Variants in VAV2 observed in about 807,000 individuals in gnomAD.
The protein encoded by VAV2 is guanine nucleotide exchange factor VAV2.
Under a neutral mutation model 132.5 loss-of-function variants are expected in VAV2, and 67 were observed. That is an observed-to-expected ratio of 0.51 (90% CI 0.42 to 0.62). The LOEUF (loss-of-function observed/expected upper bound fraction) is 0.62, where lower values mean the gene tolerates loss of function less well. Ranked by LOEUF, VAV2 falls within the 20% of genes least tolerant of loss-of-function variation. The probability of loss-of-function intolerance (pLI) is 0.00; values close to 1 mark genes in which losing one functional copy is unlikely to be tolerated. For synonymous variants in VAV2, 492 were observed against 443.5 expected, an observed-to-expected ratio of 1.11 and a Z score of -1.37; for missense variants, 938 against 1,153.6, an observed-to-expected ratio of 0.81 and a Z score of 2.71.
At chr9:133,770,322 G>C in intron 27 of VAV2, 56 bp downstream of exon 27, 1 of 1,609,286 alleles carries the variant, frequency 6.2e-7, no homozygotes, top group Non-Finnish European at 8.5e-7. Flanking sequence ...CTGGGAAGTG[G>C]GCCAGGGCAG....
rs759682791 is a variant in VAV2, at chr9:133,822,641, G to A, written c.450-10425C>T. Among the ~76,000 whole-genome samples, 54 of 152,090 alleles carry A rather than the reference G, an allele frequency of 3.6e-4. 1 individual carries two copies. The highest frequency in any genetic ancestry group is 6.5e-4 in the Non-Finnish European group (44 of 67,998). On this transcript the variant is annotated intron_variant, in intron 4 of 29. Transcript: ENST00000371850. ...AGAGGGCATGAGAGTCACCCAGCTC[G>A]CCAAGCCACATAGGCGGGTACCTGC... is the stretch of plus-strand genomic sequence containing the variant.
At chr9:133,874,396 A>G (rs1838180183) in intron 2 of VAV2, among the ~76,000 whole-genome samples, 1 of 152,176 alleles carries the variant, frequency 6.6e-6, no homozygotes, top group Admixed American at 6.5e-5. Flanking sequence ...TCCACCAGGA[A>G]AAAGCGGGGA....
rs1025423165 is a variant in VAV2, at chr9:133,921,837, G to A, written c.321+17266C>T. On this transcript the variant is annotated intron_variant, in intron 2 of 29. Transcript: ENST00000371850. ...CTTGAGTTTCAGCAGAGCCCCATCC[G>A]TCATGGAAACGAACCGTCACAGTGG... Among the ~76,000 whole-genome samples the A allele has an allele frequency of 2.0e-4, 30 of 152,358 alleles. 1 individual carries two copies. Among genetic ancestry groups the A allele is most frequent in the African/African-American group, 5.0e-4 (21 of 41,586 alleles).
intron 1 of VAV2, among the ~76,000 whole-genome samples, chr9:133,968,219 AGAAATGCCACAT>A (rs1341843404): frequency 1.3e-5 from 2 of 152,190 alleles, no homozygotes; most frequent in African/African-American, 2.4e-5. Context: ...CCCAACACAA[AGAAATGCCACAT>A]GTTTGGGATC....
At position 133,857,143 on chromosome 9, in the gene VAV2, T is replaced by C. The variant is rs1232703304; in HGVS notation, c.380+4231A>G. 6.6e-6 allele frequency among the ~76,000 whole-genome samples: 1 copy of C among 152,178 alleles called. No homozygotes were observed. Among genetic ancestry groups the C allele is most frequent in the East Asian group, 1.9e-4 (1 of 5,190 alleles). On this transcript the variant is annotated intron_variant, in intron 3 of 29. Transcript: ENST00000371850. The surrounding 1 kb of genome is among the most constrained non-coding windows in gnomAD (Gnocchi z 4.0). ...TTTCGGTTTCCTTCTCAGGAAGTCC[T>C]ACCCTTCACCATCTCCTCCCTCCCA... is the stretch of plus-strand genomic sequence containing the variant.
intron 2 of VAV2, among the ~76,000 whole-genome samples, chr9:133,933,868 T>A (rs1000469757): frequency 3.5e-5 from 5 of 143,684 alleles, no homozygotes; most frequent in Admixed American, 2.1e-4. Context: ...GATGGGTGGA[T>A]GGATGGATGG....
In VAV2 at chr9:133,850,880, T is replaced by C. The variant is rs118012155; in HGVS notation, c.380+10494A>G. On this transcript the variant is annotated intron_variant, in intron 3 of 29. Coordinates refer to ENST00000371850, the MANE Select transcript of VAV2 (RefSeq NM_001134398.2). The stretch of plus-strand genomic sequence containing the variant: ...TTTGTCCACGAGGATCAGCCAATGG[T>C]GGGCAGGGTACCACCCTGCTGTCGA... 4.5e-3 allele frequency among the ~76,000 whole-genome samples: 689 copies of C among 152,336 alleles called. 5 individuals carry two copies. The highest frequency in any genetic ancestry group is 0.024 in the Middle Eastern group (7 of 294).
intron 2 of VAV2, among the ~76,000 whole-genome samples, chr9:133,934,406 C>T (rs912571615): frequency 6.6e-6 from 1 of 152,194 alleles, no homozygotes; most frequent in African/African-American, 2.4e-5. Context: ...CCTGGAGAAC[C>T]GGGGAAGCAT....
chr9:133,986,504 T>C (rs1339263293), intron 1 of VAV2, among the ~76,000 whole-genome samples: 1 of 152,128 alleles, frequency 6.6e-6, no homozygotes, highest in East Asian at 1.9e-4. Context: ...TGCTGTTGGC[T>C]GGATGGAGAC....
intron 3 of VAV2, among the ~76,000 whole-genome samples, chr9:133,849,659 G>A (rs1179213732): frequency 6.6e-6 from 1 of 152,202 alleles, no homozygotes; most frequent in African/African-American, 2.4e-5. Context: ...AGGTGCTGCA[G>A]AGCTGTGCTC....
At chr9:133,793,483 CGTT>C (rs1834583164) in intron 12 of VAV2, among the ~76,000 whole-genome samples, 1 of 152,096 alleles carries the variant, frequency 6.6e-6, no homozygotes, top group South Asian at 2.1e-4. Flanking sequence ...GTTTTCTTGT[CGTT>C]GTCCACTTGC....
intron 3 of VAV2, among the ~76,000 whole-genome samples, chr9:133,839,714 G>T (rs1356284563): frequency 6.6e-6 from 1 of 152,150 alleles, no homozygotes; most frequent in East Asian, 1.9e-4. Flanking sequence ...CTCCCAAAGT[G>T]CTGGGATTAC....
intron 3 of VAV2, among the ~76,000 whole-genome samples, chr9:133,844,044 A>G (rs1418756555): frequency 6.6e-6 from 1 of 152,034 alleles, no homozygotes; most frequent in Non-Finnish European, 1.5e-5. Context: ...CCCCCAATCC[A>G]GCGAGGCTGT....
In VAV2 at chr9:133,772,060, C is replaced by G; in HGVS notation, c.2136-14G>C. On this transcript the variant is annotated splice_polypyrimidine_tract_variant and intron_variant, in intron 25 of 29. Transcript: ENST00000371850. ...TCATCATTGAACCTGAGCAAACACA[C>G]GGCCCCGGCGGTCACCGCGTGAGGG... 6.2e-7 allele frequency: 1 copy of G among 1,611,720 alleles called. No homozygotes were observed. The highest frequency in any genetic ancestry group is 8.5e-7 in the Non-Finnish European group (1 of 1,178,058).
intron 4 of VAV2, among the ~76,000 whole-genome samples, chr9:133,832,497 T>G (rs1159971448): frequency 3.9e-5 from 6 of 152,178 alleles, no homozygotes; most frequent in Non-Finnish European, 8.8e-5. Context: ...AGGGTTGAGA[T>G]GGACAGTCCC....
chr9:133,981,414 A>C (rs1588218040), intron 1 of VAV2, among the ~76,000 whole-genome samples: 1 of 152,330 alleles, frequency 6.6e-6, no homozygotes, highest in East Asian at 1.9e-4. Context: ...GTGAGGCGGC[A>C]GTCTCAGGAA....
chr9:133,812,438 C>T (rs1311758330), intron 4 of VAV2, among the ~76,000 whole-genome samples: 1 of 152,228 alleles, frequency 6.6e-6, no homozygotes, highest in African/African-American at 2.4e-5. Flanking sequence ...TGCCTGCTGC[C>T]TCCACTAGGT....
chr9:133,788,452 A>T lies in VAV2; in HGVS notation c.1309T>A (p.Cys437Ser). Residue 437 changes from cysteine to serine, a missense_variant, in exon 15 of 30, where the codon TGC becomes AGC. Cys to Ser is a moderately radical substitution (Grantham distance 112). Transcript: ENST00000371850. The surrounding 1 kb of genome is among the most constrained non-coding windows in gnomAD (Gnocchi z 5.3). ...LFLFDKVVIV[C>S]KRKGYSYELK... Reference sequence around the variant, plus strand: ...TCGTAGCTGTAGCCCTTCCGCTTGCAGACGATGACCACCTTGTCAAACAGG... The same window carrying T: ...TCGTAGCTGTAGCCCTTCCGCTTGCTGACGATGACCACCTTGTCAAACAGG... 6.2e-7 allele frequency: 1 copy of T among 1,611,822 alleles called. No homozygotes were observed. The highest frequency in any genetic ancestry group is 1.1e-5 in the South Asian group (1 of 91,022).
chr9:133,914,410 A>G (rs1839985136), intron 2 of VAV2, among the ~76,000 whole-genome samples: 1 of 151,372 alleles, frequency 6.6e-6, no homozygotes, highest in Non-Finnish European at 1.5e-5. Flanking sequence ...AACGTGGTCT[A>G]CCTGGACCGT....
Sources: allele counts gnomAD v4.1 joint callset (sites outside exome capture counted in the v4.1 genomes callset), GRCh38; gene constraint gnomAD v4.1.1; non-coding constraint Gnocchi (gnomAD v3.1); transcripts MANE v1.5; gene names NCBI Gene and HGNC (gene_info 2026-07-23, HGNC 2026-07-21).